REV3L: variants seen among roughly 807,000 people sequenced by gnomAD.
REV3L encodes the protein DNA polymerase zeta catalytic subunit.
REV3L carries 69 observed loss-of-function variants against 299.4 expected under a neutral mutation model. The ratio of observed to expected loss-of-function variants is 0.23; its 90% CI spans 0.19 to 0.28. The LOEUF is 0.28. Ranked by LOEUF, REV3L falls within the 10% of genes least tolerant of loss-of-function variation. The probability of loss-of-function intolerance (pLI) is 1.00; values close to 1 mark genes in which losing one functional copy is unlikely to be tolerated. For missense variants in REV3L, 3,128 were observed against 3,693.8 expected, an observed-to-expected ratio of 0.85 and a Z score of 3.97; for synonymous variants, 1,238 against 1,271.4, an observed-to-expected ratio of 0.97 and a Z score of 0.56.
intron 1 of REV3L, among the ~76,000 whole-genome samples, chr6:111,462,415 T>C (rs1036037410): frequency 6.6e-5 from 10 of 152,138 alleles, no homozygotes; most frequent in Admixed American, 1.3e-4. Flanking sequence ...CACACCGATC[T>C]TAAATATGTA....
chr6:111,401,254 AAAT>A (rs1317665533), intron 4 of REV3L, among the ~76,000 whole-genome samples: 1 of 152,210 alleles, frequency 6.6e-6, no homozygotes, highest in African/African-American at 2.4e-5. Flanking sequence ...CCTGGACATG[AAAT>A]AATACAACCT....
intron 5 of REV3L, among the ~76,000 whole-genome samples, chr6:111,391,562 T>C (rs1474521068): frequency 6.6e-6 from 1 of 152,220 alleles, no homozygotes; most frequent in Non-Finnish European, 1.5e-5. Context: ...CTTTTCACCA[T>C]TGATAGAGAA....
At position 111,447,521 on chromosome 6, in the gene REV3L, T is replaced by C. The variant is rs150364592; in HGVS notation, c.140-31049A>G. On this transcript the variant is annotated intron_variant, in intron 1 of 31. Coordinates refer to ENST00000368802, the MANE Select transcript of REV3L (RefSeq NM_001372078.1). ...AAGATGGTTTTCACCCTGTAAAAAG[T>C]TGTTAACCTTTTCACATTAAAAAAA... Among the ~76,000 whole-genome samples the C allele has an allele frequency of 1.6e-3, 240 of 152,312 alleles. 1 individual carries two copies. Among genetic ancestry groups the C allele is most frequent in the African/African-American group, 5.6e-3 (233 of 41,570 alleles).
intron 1 of REV3L, among the ~76,000 whole-genome samples, chr6:111,423,387 T>C (rs1785794513): frequency 6.6e-6 from 1 of 152,134 alleles, no homozygotes; most frequent in Non-Finnish European, 1.5e-5. Flanking sequence ...GAAGAATGTT[T>C]TCAGTATGTA....
At chr6:111,339,644 G>GT (rs1054340674) in intron 21 of REV3L, among the ~76,000 whole-genome samples, 55 of 152,160 alleles carry the variant, frequency 3.6e-4, no homozygotes, top group African/African-American at 1.3e-3. Flanking sequence ...TATCCAGCAG[G>GT]TAACAACTGC....
intron 18 of REV3L, among the ~76,000 whole-genome samples, chr6:111,354,534 AT>A (rs1156249266): frequency 1.3e-5 from 2 of 152,080 alleles, no homozygotes; most frequent in Non-Finnish European, 2.9e-5. Context: ...ATATATATTT[AT>A]TTTTTGACCC....
chr6:111,402,984 T>A (rs1399180779), intron 4 of REV3L, among the ~76,000 whole-genome samples: 1 of 152,328 alleles, frequency 6.6e-6, no homozygotes, highest in Non-Finnish European at 1.5e-5. Context: ...GCATTGTTCA[T>A]AATAGCCAAA....
At chr6:111,401,667 A>T (rs1161198859) in intron 4 of REV3L, among the ~76,000 whole-genome samples, 1 of 152,250 alleles carries the variant, frequency 6.6e-6, no homozygotes, top group African/African-American at 2.4e-5. Flanking sequence ...ACAAGTTGTC[A>T]CCACAAAACA....
intron 14 of REV3L, among the ~76,000 whole-genome samples, chr6:111,365,557 T>C (rs1292125386): frequency 6.6e-6 from 1 of 152,162 alleles, no homozygotes; most frequent in Non-Finnish European, 1.5e-5. Context: ...GTTTATGTTT[T>C]AATTACTGAA....
At chr6:111,312,285 T>A (rs1241044254) in intron 28 of REV3L, 1 of 152,198 alleles carries the variant, frequency 6.6e-6, no homozygotes, top group Non-Finnish European at 1.5e-5. Context: ...ATTCACATAA[T>A]ATTATATATA....
At chr6:111,356,850 G>A in intron 18 of REV3L, 164 bp downstream of exon 18, 1 of 350,340 alleles carries the variant, frequency 2.9e-6, no homozygotes, top group Non-Finnish European at 5.3e-6. Context: ...AGTGATGGTG[G>A]TGGGAAGTGA....
At chr6:111,351,115 G>A (rs1407745394) in intron 19 of REV3L, among the ~76,000 whole-genome samples, 4 of 152,090 alleles carry the variant, frequency 2.6e-5, no homozygotes, top group Non-Finnish European at 5.9e-5. Flanking sequence ...TAGTTAGAAT[G>A]AAACTTTGGG....
intron 31 of REV3L, among the ~76,000 whole-genome samples, chr6:111,302,985 TTC>T (rs1438873477): frequency 3.3e-5 from 5 of 152,218 alleles, no homozygotes; most frequent in African/African-American, 1.2e-4. Context: ...TGATGAATTT[TTC>T]TCTGAGGTCT....
At chr6:111,384,741 C>T (rs9387010) in intron 9 of REV3L, among the ~76,000 whole-genome samples, 8,681 of 152,144 alleles carry the variant, frequency 0.057, 273 homozygotes, top group Middle Eastern at 0.085. Flanking sequence ...TCTCTCTACT[C>T]GGTATTTATC....
At chr6:111,330,357 CA>C (rs35127438) in intron 24 of REV3L, 4,196 of 356,208 alleles carry the variant, frequency 0.012, no homozygotes, top group South Asian at 0.017. Context: ...TTGTTGATGC[CA>C]AAAAAAAAAT....
Position 111,333,464 on chromosome 6 carries a change from T to A in REV3L, c.7681-97A>T, listed in dbSNP as rs918798025. The A allele has an allele frequency of 1.6e-5, 23 of 1,422,912 alleles. No individual in the cohort carries two copies. The African/African-American group carries it at 3.2e-4, about 20-fold the overall frequency. The allele number at this position is 1,422,912 out of a possible 1,614,324, so 88.1% of individuals were successfully genotyped here. ...TTTGAGGATAATCTGCTTTTCAGAATAAGATTGTATGACTTTTTTTTTTTT... is the reference window on the plus strand; with the variant it reads ...TTTGAGGATAATCTGCTTTTCAGAAAAAGATTGTATGACTTTTTTTTTTTT... On this transcript the variant is annotated intron_variant, in intron 22 of 31. Coordinates refer to ENST00000368802, the MANE Select transcript of REV3L (RefSeq NM_001372078.1).
At chr6:111,315,442 A>C (rs1773412981) in intron 26 of REV3L, 61 bp from the exon 27 acceptor site, 1 of 1,316,670 alleles carries the variant, frequency 7.6e-7, no homozygotes, top group African/African-American at 1.5e-5. Flanking sequence ...AATTTTATCA[A>C]GAGTAACTTT....
At position 111,299,401 on chromosome 6, in the gene REV3L, TTAA is replaced by T. The variant is rs750347627; in HGVS notation, c.*612_*614del. On this transcript the variant is annotated 3_prime_UTR_variant, in exon 32 of 32. Transcript: ENST00000368802. ...AATAGCTAAAGCAAGACAGCATTTT[TTAA>T]AAAAAAATAATGTTTCAAAATGCTA... 2 of 68,022 alleles carry T rather than the reference TTAA, an allele frequency of 2.9e-5. No homozygotes were observed. The highest frequency in any genetic ancestry group is 5.1e-4 in the South Asian group (1 of 1,980). 4.2% of individuals were successfully genotyped at this position (68,022 alleles called of 1,614,324 possible).
intron 1 of REV3L, chr6:111,460,489 A>G (rs978329217): frequency 6.6e-6 from 1 of 152,244 alleles, no homozygotes; most frequent in African/African-American, 2.4e-5. Flanking sequence ...CAGTAGAGTG[A>G]CATCTTTTAA....
Sources: gnomAD v4.1 joint callset for allele counts (sites outside exome capture counted in the v4.1 genomes callset) on GRCh38, gnomAD v4.1.1 for gene constraint, MANE v1.5 for transcripts, NCBI Gene and HGNC (gene_info 2026-07-23, HGNC 2026-07-21) for gene names.